SPAG17: variants seen among roughly 807,000 people sequenced by gnomAD.
SPAG17 encodes sperm-associated antigen 17.
In SPAG17, 169 loss-of-function variants were observed where a neutral mutation model predicts 273.6. The observed-to-expected ratio is 0.62, with a 90% CI of 0.55 to 0.70. SPAG17 has a LOEUF of 0.70. Ranked by LOEUF, SPAG17 falls within the 30% of genes least tolerant of loss-of-function variation. The pLI is 0.00. For synonymous variants in SPAG17, 825 were observed against 873.2 expected (o/e 0.94, Z 0.97); for missense variants, 2,557 against 2,627.8 (o/e 0.97, Z 0.59).
At chr1:117,973,960 T>G (rs1399247339) in intron 43 of SPAG17, among the ~76,000 whole-genome samples, 1 of 152,200 alleles carries the variant, frequency 6.6e-6, no homozygotes, top group Non-Finnish European at 1.5e-5. Flanking sequence ...GAATAATGGC[T>G]TGCAGCTGCA....
intron 48 of SPAG17, chr1:117,962,985 A>C (rs1294428824): frequency 6.6e-6 from 1 of 152,266 alleles, no homozygotes. Flanking sequence ...CCCATTCCTC[A>C]CAATTTAAGC....
intron 28 of SPAG17, among the ~76,000 whole-genome samples, chr1:118,021,118 C>T (rs1344657601): frequency 6.6e-6 from 1 of 151,950 alleles, no homozygotes; most frequent in Non-Finnish European, 1.5e-5. Context: ...GGAACAGTTG[C>T]TTTGTGGTTT....
chr1:118,011,539 T>C (rs1005087204), intron 30 of SPAG17, among the ~76,000 whole-genome samples: 2 of 151,754 alleles, frequency 1.3e-5, no homozygotes, highest in Non-Finnish European at 2.9e-5. Context: ...CATGGACCTA[T>C]AGAGGGGAAC....
chr1:118,028,260 C>T lies in SPAG17; in HGVS notation c.3730+14G>A. ...TGCTCCCTGCTTCCCCACCCTACCC[C>T]ATATAGCACTTACCTGTAGATTCTT... On this transcript the variant is annotated intron_variant, in intron 26 of 48. Transcript: ENST00000336338. 1 of 1,606,642 alleles carries T rather than the reference C, an allele frequency of 6.2e-7. No homozygotes were observed. Among genetic ancestry groups the T allele is most frequent in the Non-Finnish European group, 8.5e-7 (1 of 1,177,306 alleles).
At chr1:117,992,340 T>G (rs1440947497) in intron 36 of SPAG17, 126 bp downstream of exon 36, 10 of 858,256 alleles carry the variant, frequency 1.2e-5, no homozygotes, top group Non-Finnish European at 1.7e-5. Flanking sequence ...TCTGAAAGAC[T>G]GACATCCTTG....
At chr1:117,992,800 C>A in intron 35 of SPAG17, 152 bp from the exon 36 acceptor site, 1 of 650,570 alleles carries the variant, frequency 1.5e-6, no homozygotes, top group South Asian at 2.4e-5. Context: ...AAAAGTTCTG[C>A]AAATATAAGG....
At chr1:118,040,621 G>T in intron 22 of SPAG17, 109 bp downstream of exon 22, 1 of 705,134 alleles carries the variant, frequency 1.4e-6, no homozygotes, top group Non-Finnish European at 2.5e-6. Flanking sequence ...ATGTATTGTG[G>T]GGGACAGAAT....
intron 48 of SPAG17, chr1:117,954,572 CT>C (rs747710144): frequency 1.2e-6 from 2 of 1,611,674 alleles, no homozygotes; most frequent in Non-Finnish European, 1.7e-6. Flanking sequence ...TTAATAATTT[CT>C]TCATAGGTTC....
Position 118,185,058 on chromosome 1 carries a change from G to A in SPAG17, c.87+13C>T. ...GCCGGGGGCAGGGAGGGCTTAAAGG[G>A]CTCAAGGCTCACCTGATTGAACTGT... On this transcript the variant is annotated intron_variant, in intron 1 of 48. Transcript: ENST00000336338. 1 of 1,613,036 alleles carries A rather than the reference G, an allele frequency of 6.2e-7. No individual in the cohort carries two copies. The highest frequency in any genetic ancestry group is 8.5e-7 in the Non-Finnish European group (1 of 1,179,036).
At chr1:118,105,011 G>A (rs12120619) in intron 4 of SPAG17, among the ~76,000 whole-genome samples, 11,376 of 152,222 alleles carry the variant, frequency 0.075, 593 homozygotes, top group East Asian at 0.26. Flanking sequence ...TGAGGAGACT[G>A]AAGTTCTCTA....
At chr1:117,999,805 C>T (rs552947156) in intron 32 of SPAG17, among the ~76,000 whole-genome samples, 76 of 152,072 alleles carry the variant, frequency 5.0e-4, no homozygotes, top group South Asian at 2.7e-3. Context: ...TTTCTTTTGC[C>T]GTACAGCAGC....
At chr1:118,072,211 A>G (rs1417855290) in intron 17 of SPAG17, among the ~76,000 whole-genome samples, 1 of 152,228 alleles carries the variant, frequency 6.6e-6, no homozygotes, top group East Asian at 1.9e-4. Flanking sequence ...AGCATTTACT[A>G]TAAAGCCCAA....
At chr1:117,998,959 C>T (rs898554521) in intron 32 of SPAG17, among the ~76,000 whole-genome samples, 1 of 152,048 alleles carries the variant, frequency 6.6e-6, no homozygotes, top group Non-Finnish European at 1.5e-5. Flanking sequence ...TTAGGTATTT[C>T]TCCTAATGCT....
intron 34 of SPAG17, among the ~76,000 whole-genome samples, chr1:117,994,837 T>G (rs1424324893): frequency 6.6e-6 from 1 of 152,084 alleles, no homozygotes; most frequent in Non-Finnish European, 1.5e-5. Flanking sequence ...TCTTTTTCCC[T>G]CTCTGTGAAC....
chr1:118,057,342 C>T (rs1316449524), intron 18 of SPAG17, among the ~76,000 whole-genome samples: 2 of 152,144 alleles, frequency 1.3e-5, no homozygotes, highest in East Asian at 3.9e-4. Flanking sequence ...GGTTTCCCTG[C>T]TCCTACCCTG....
intron 44 of SPAG17, 64 bp from the exon 45 acceptor site, chr1:117,972,111 A>T (rs1654631357): frequency 3.6e-6 from 5 of 1,392,106 alleles, no homozygotes; most frequent in Non-Finnish European, 4.9e-6. Flanking sequence ...AAAAAAAAAA[A>T]AGTCCCTGTC....
In SPAG17 at chr1:118,016,991, T is replaced by C. The variant is rs141183892; in HGVS notation, c.4070-809A>G. Among the ~76,000 whole-genome samples, 7 of 152,284 alleles carry C rather than the reference T, an allele frequency of 4.6e-5. No individual in the cohort carries two copies. The East Asian group carries it at 1.3e-3, about 29-fold the overall frequency. The stretch of plus-strand genomic sequence containing the variant: ...CCCTGAAACAAATTGCAAGTAATGA[T>C]AGTAAAGGAATGTTAACTCTTGGAA... On this transcript the variant is annotated intron_variant, in intron 28 of 48. Coordinates refer to ENST00000336338, the MANE Select transcript of SPAG17 (RefSeq NM_206996.4).
chr1:118,154,227 C>T (rs1431255158), intron 1 of SPAG17, among the ~76,000 whole-genome samples: 2 of 152,168 alleles, frequency 1.3e-5, no homozygotes, highest in African/African-American at 4.8e-5. Context: ...TCTATGGTCT[C>T]TTGCCCACTA....
intron 46 of SPAG17, among the ~76,000 whole-genome samples, chr1:117,967,296 CAAAAAA>C (rs5777330): frequency 1.2e-5 from 1 of 86,092 alleles, no homozygotes; most frequent in Non-Finnish European, 2.2e-5. Context: ...AACTCCATCT[CAAAAAA>C]AAAAAAAAAA....
Sources: allele counts gnomAD v4.1 joint callset (sites outside exome capture counted in the v4.1 genomes callset), GRCh38; gene constraint gnomAD v4.1.1; transcripts MANE v1.5; gene names NCBI Gene and HGNC (gene_info 2026-07-23, HGNC 2026-07-21).